The following TVP23A variants were observed in gnomAD, a reference collection of about 807,000 sequenced individuals.
The protein encoded by TVP23A is trans-golgi network vesicle protein 23 homolog A.
Under a neutral mutation model 31.7 loss-of-function variants are expected in TVP23A, and 21 were observed. The ratio of observed to expected loss-of-function variants is 0.66; its 90% CI spans 0.47 to 0.95. TVP23A has a LOEUF of 0.95. TVP23A is among the 40% of genes least tolerant of loss of function. The pLI is 0.00. For synonymous variants in TVP23A, 104 were observed against 96.0 expected (o/e 1.08, Z -0.49); for missense variants, 279 against 255.6 (o/e 1.09, Z -0.62).
At chr16:10,769,900 CCT>C (rs2031425711) in intron 7 of TVP23A, among the ~76,000 whole-genome samples, 1 of 152,190 alleles carries the variant, frequency 6.6e-6, no homozygotes, top group Non-Finnish European at 1.5e-5. Flanking sequence ...AGAGTAAATT[CCT>C]GTTTTCCCTC....
At chr16:10,757,933 A>C, downstream of TVP23A, 1 of 1,613,840 alleles carries the variant, frequency 6.2e-7, no homozygotes, top group East Asian at 2.2e-5. The surrounding 1 kb of genome is among the most constrained non-coding windows in gnomAD (Gnocchi z 4.1). Context: ...CTCATTGTGG[A>C]CACCCCACCT....
At chr16:10,786,130 G>A (rs1437590890) in intron 2 of TVP23A, among the ~76,000 whole-genome samples, 1 of 152,194 alleles carries the variant, frequency 6.6e-6, no homozygotes, top group Admixed American at 6.5e-5. Flanking sequence ...GAGTGACTTT[G>A]AATAGAATGG....
At chr16:10,773,234 TAAC>T (rs1264324834) in intron 5 of TVP23A, 76 bp downstream of exon 5, 14 of 1,484,060 alleles carry the variant, frequency 9.4e-6, no homozygotes, top group South Asian at 2.8e-5. Context: ...CAATAACAAA[TAAC>T]AACAAAAGCC....
Position 10,767,060 on chromosome 16 carries a change from G to A in TVP23A, c.*2042C>T, listed in dbSNP as rs188947602. On this transcript the variant is annotated 3_prime_UTR_variant, in exon 8 of 8. Transcript: ENST00000299866. The surrounding 1 kb of genome is among the most constrained non-coding windows in gnomAD (Gnocchi z 4.6). ...ACAGTAGTGAAGTTGAGGAAATGAT[G>A]AGTGCTAGGTAGGAACCCCTCCTGG... 4.3e-5 allele frequency: 17 copies of A among 398,738 alleles called. No individual in the cohort carries two copies. Among genetic ancestry groups the A allele is most frequent in the Admixed American group, 3.1e-4 (7 of 22,746 alleles). The allele number at this position is 398,738 out of a possible 1,614,324, so 24.7% of individuals were successfully genotyped here. A position where few individuals can be genotyped will look rare whatever the true frequency, so the allele number is the denominator to read the frequency against.
chr16:10,793,095 C>A (rs535926947), intron 2 of TVP23A, among the ~76,000 whole-genome samples: 8 of 152,072 alleles, frequency 5.3e-5, no homozygotes, highest in Non-Finnish European at 1.2e-4. Context: ...TAAAGACCAA[C>A]CTGGGCAACA....
intron 2 of TVP23A, among the ~76,000 whole-genome samples, chr16:10,799,113 C>T (rs1377642652): frequency 6.6e-6 from 1 of 152,252 alleles, no homozygotes; most frequent in Non-Finnish European, 1.5e-5. Flanking sequence ...TTGGACACAG[C>T]TCCTCCTGCC....
chr16:10,783,489 A>C (rs1405975675), intron 2 of TVP23A, among the ~76,000 whole-genome samples: 1 of 152,182 alleles, frequency 6.6e-6, no homozygotes, highest in Non-Finnish European at 1.5e-5. Context: ...CAGCCTGGCC[A>C]ACATGGCAAA....
chr16:10,767,877 G>C lies in TVP23A; in HGVS notation c.*1225C>G, dbSNP rs2031132773. The C allele has an allele frequency of 7.2e-7, 1 of 1,379,364 alleles. No homozygotes were observed. Among genetic ancestry groups the C allele is most frequent in the African/African-American group, 1.4e-5 (1 of 70,300 alleles). 85.4% of individuals were successfully genotyped at this position (1,379,364 alleles called of 1,614,324 possible). ...CTTCCCATTGTCACCAGCACGGAAA[G>C]AGCCCCAAGATCTTGTGGCCATTCT... On this transcript the variant is annotated 3_prime_UTR_variant, in exon 8 of 8. Coordinates refer to ENST00000299866, the MANE Select transcript of TVP23A (RefSeq NM_001079512.4). The surrounding 1 kb of genome is among the most constrained non-coding windows in gnomAD (Gnocchi z 4.6).
intron 2 of TVP23A, among the ~76,000 whole-genome samples, chr16:10,782,740 GCTGTCCTCCCATCTTAGCCTCTCAA>G (rs1372278246): frequency 2.3e-4 from 35 of 152,158 alleles, no homozygotes; most frequent in Non-Finnish European, 2.6e-4. Context: ...CTGGGCTCAA[GCTGTCCTCCCATCTTAGCCTCTCAA>G]AGTGCTACAA....
intron 8 of TVP23A, chr16:10,761,665 T>A: frequency 1.7e-5 from 3 of 173,184 alleles, no homozygotes; most frequent in African/African-American, 2.6e-5. Context: ...AAACTAAGCC[T>A]TTTTTTTTTT....
chr16:10,815,109 TG>T (rs1469247571), intron 2 of TVP23A, among the ~76,000 whole-genome samples: 2 of 152,256 alleles, frequency 1.3e-5, no homozygotes, highest in East Asian at 3.9e-4. Flanking sequence ...TACTGAGTTC[TG>T]GCCAGGCACA....
Position 10,818,041 on chromosome 16 carries a change from T to G in TVP23A, c.89+62A>C. 2 of 1,356,072 alleles carry G rather than the reference T, an allele frequency of 1.5e-6. No homozygotes were observed. Among genetic ancestry groups the G allele is most frequent in the Non-Finnish European group, 2.1e-6 (2 of 965,754 alleles). 84.0% of individuals were successfully genotyped at this position (1,356,072 alleles called of 1,614,324 possible). ...GCTCAATATATTTTGAATGAATGAG[T>G]GAGTAAATGAATGAATTTGCAGCTT... On this transcript the variant is annotated intron_variant, in intron 2 of 7. Transcript: ENST00000299866. This position sits in a 1 kb window ranked among gnomAD's most constrained non-coding sequence, Gnocchi z 4.7.
chr16:10,771,839 G>A, intron 5 of TVP23A, 41 bp from the exon 6 acceptor site: 1 of 1,546,864 alleles, frequency 6.5e-7, no homozygotes. Context: ...TTTTTTTTGA[G>A]ACAGAGTTTC....
chr16:10,784,647 T>C (rs996199178), intron 2 of TVP23A, among the ~76,000 whole-genome samples: 1 of 152,040 alleles, frequency 6.6e-6, no homozygotes, highest in African/African-American at 2.4e-5. Flanking sequence ...ATATAAACTA[T>C]GGATTTTAGT....
chr16:10,816,923 CTTCACA>C (rs752786423), intron 2 of TVP23A, among the ~76,000 whole-genome samples: 1 of 97,230 alleles, frequency 1.0e-5, no homozygotes. Flanking sequence ...CACAGGGAAA[CTTCACA>C]CACACACACA....
chr16:10,784,802 T>G (rs1199913940), intron 2 of TVP23A, among the ~76,000 whole-genome samples: 1 of 152,048 alleles, frequency 6.6e-6, no homozygotes, highest in East Asian at 1.9e-4. Context: ...CTGAAACTGC[T>G]CTAAAAACAG....
chr16:10,796,146 G>C (rs2033375049), intron 2 of TVP23A, among the ~76,000 whole-genome samples: 2 of 151,964 alleles, frequency 1.3e-5, no homozygotes, highest in South Asian at 2.1e-4. Flanking sequence ...CCAGGAGTTT[G>C]AGACCAACCT....
chr16:10,791,694 G>A (rs1044880684), intron 2 of TVP23A, among the ~76,000 whole-genome samples: 7 of 152,198 alleles, frequency 4.6e-5, no homozygotes, highest in African/African-American at 7.2e-5. Context: ...TGCAACCTCC[G>A]CCTCCTGGGT....
downstream of TVP23A, among the ~76,000 whole-genome samples, chr16:10,763,044 GA>G (rs1444112884): frequency 6.6e-6 from 1 of 152,110 alleles, no homozygotes. Context: ...ACACAAGAGA[GA>G]AAGTGACGGC....
Sources: gnomAD v4.1 joint callset for allele counts (sites outside exome capture counted in the v4.1 genomes callset) on GRCh38, gnomAD v4.1.1 for gene constraint, Gnocchi (gnomAD v3.1) non-coding constraint, MANE v1.5 for transcripts, NCBI Gene and HGNC (gene_info 2026-07-23, HGNC 2026-07-21) for gene names.